Variants in COG6 observed in about 807,000 individuals in gnomAD.
The protein encoded by COG6 is conserved oligomeric Golgi complex subunit 6.
Under a neutral mutation model 88.8 loss-of-function variants are expected in COG6, and 74 were observed. That is an observed-to-expected ratio of 0.83 (90% CI 0.69 to 1.01). COG6 has a LOEUF of 1.01. Ranked by LOEUF, COG6 falls within the 50% of genes least tolerant of loss-of-function variation. The probability of loss-of-function intolerance (pLI) is 0.00; values close to 1 mark genes in which losing one functional copy is unlikely to be tolerated. For missense variants in COG6, 800 were observed against 797.9 expected, an observed-to-expected ratio of 1.00 and a Z score of -0.03; for synonymous variants, 286 against 278.7, an observed-to-expected ratio of 1.03 and a Z score of -0.26.
At chr13:39,700,458 A>C (rs1042490508) in intron 13 of COG6, among the ~76,000 whole-genome samples, 1 of 151,928 alleles carries the variant, frequency 6.6e-6, no homozygotes, top group African/African-American at 2.4e-5. Flanking sequence ...TGGAAAAGCA[A>C]CATGAATTTG....
intron 18 of COG6, among the ~76,000 whole-genome samples, chr13:39,779,456 C>G (rs1039029369): frequency 6.6e-6 from 1 of 152,158 alleles, no homozygotes; most frequent in East Asian, 1.9e-4. Flanking sequence ...GCTGCAGATC[C>G]AGGACAGGCA....
chr13:39,762,073 A>C (rs1881032603), intron 18 of COG6, among the ~76,000 whole-genome samples: 1 of 151,976 alleles, frequency 6.6e-6, no homozygotes, highest in Non-Finnish European at 1.5e-5. Flanking sequence ...TCCAATGTTT[A>C]TTGCAGCACT....
chr13:39,761,022 A>G (rs1380370658), intron 18 of COG6, among the ~76,000 whole-genome samples: 2 of 151,854 alleles, frequency 1.3e-5, no homozygotes. Flanking sequence ...ATTTGTCAGT[A>G]TAATAGAGAA....
intron 13 of COG6, among the ~76,000 whole-genome samples, chr13:39,712,618 C>T (rs1049089257): frequency 2.0e-5 from 3 of 152,156 alleles, no homozygotes; most frequent in Admixed American, 6.5e-5. Flanking sequence ...TTGAAGTAGA[C>T]GTTCTCACAT....
intron 12 of COG6, among the ~76,000 whole-genome samples, chr13:39,697,388 C>T (rs574285842): frequency 4.2e-4 from 63 of 151,794 alleles, no homozygotes; most frequent in African/African-American, 1.4e-3. Context: ...AGAAGCAGGA[C>T]GCATGCAAGA....
intron 3 of COG6, among the ~76,000 whole-genome samples, chr13:39,661,973 T>C (rs185673048): frequency 3.0e-4 from 45 of 151,980 alleles, no homozygotes; most frequent in African/African-American, 1.0e-3. Flanking sequence ...TCTTTAGTGA[T>C]AGTATCTCTT....
chr13:39,790,039 C>T (rs1881895420), exon 19 of COG6: 1 of 151,826 alleles, frequency 6.6e-6, no homozygotes, highest in African/African-American at 2.4e-5. Context: ...ATTTTTTAAC[C>T]AGGTAGGTTA....
chr13:39,705,298 A>G (rs1045064005), intron 13 of COG6, among the ~76,000 whole-genome samples: 5 of 152,172 alleles, frequency 3.3e-5, no homozygotes, highest in Non-Finnish European at 5.9e-5. Context: ...CTTGGGAGCT[A>G]ATTCTTTATC....
intron 13 of COG6, among the ~76,000 whole-genome samples, chr13:39,701,127 G>A (rs967281354): frequency 6.6e-6 from 1 of 151,826 alleles, no homozygotes; most frequent in Admixed American, 6.6e-5. Flanking sequence ...GAAAGACTCT[G>A]GGAATAGGCA....
intron 4 of COG6, among the ~76,000 whole-genome samples, chr13:39,665,514 C>T (rs114630667): frequency 0.016 from 2,475 of 151,760 alleles, 58 homozygotes; most frequent in African/African-American, 0.057. Context: ...TATGATATAT[C>T]CTCTCTGGTA....
intron 5 of COG6, among the ~76,000 whole-genome samples, chr13:39,678,940 T>A (rs1876139771): frequency 6.7e-6 from 1 of 150,058 alleles, no homozygotes; most frequent in Non-Finnish European, 1.5e-5. Context: ...TATTATTATT[T>A]TAAGTTTTAT....
At chr13:39,726,009 A>C (rs1301077959) in intron 17 of COG6, among the ~76,000 whole-genome samples, 1 of 151,982 alleles carries the variant, frequency 6.6e-6, no homozygotes, top group Non-Finnish European at 1.5e-5. Context: ...ATGCCATTAA[A>C]AATTCTTCAT....
Position 39,677,480 on chromosome 13 carries a change from G to C in COG6, c.441G>C (p.Glu147Asp). The C allele has an allele frequency of 2.5e-6, 4 of 1,608,072 alleles. No homozygotes were observed. The highest frequency in any genetic ancestry group is 2.6e-6 in the Non-Finnish European group (3 of 1,174,772). The change falls in exon 5 of 19, where the codon GAG (glutamate) becomes GAC (aspartate). Residue 147 changes from glutamate to aspartate, a missense_variant. By Grantham distance (45) the Glu-to-Asp change is conservative. Transcript: ENST00000455146. Reference protein sequence around the residue: ...TKLQSESQKLEIRAQVADAFL... With the variant: ...TKLQSESQKLDIRAQVADAFL... ...TTGAAAATTACAGCCAAAAATTAGA[G>C]ATAAGAGCTCAAGTTGCAGATGCCT...
chr13:39,756,404 G>A (rs940220914), downstream of COG6, among the ~76,000 whole-genome samples: 5 of 152,004 alleles, frequency 3.3e-5, no homozygotes, highest in South Asian at 2.1e-4. Context: ...GTGGAGCACC[G>A]TCAACAATAC....
intron 13 of COG6, among the ~76,000 whole-genome samples, chr13:39,713,784 A>G (rs1366806499): frequency 6.6e-6 from 1 of 152,128 alleles, no homozygotes; most frequent in African/African-American, 2.4e-5. Flanking sequence ...AAGTTTAACC[A>G]TTAGAAATGA....
rs922129932 is a variant in COG6, at chr13:39,751,048, C to A, written c.1929C>A (p.Asn643Lys). 1.9e-6 allele frequency: 3 copies of A among 1,613,570 alleles called. No individual in the cohort carries two copies. The highest frequency in any genetic ancestry group is 2.5e-6 in the Non-Finnish European group (3 of 1,179,804). ...NPINEYKDPE[N>K]ILHRSPQQVQ... The stretch of plus-strand genomic sequence containing the variant: ...TCAATGAATACAAAGATCCAGAGAA[C>A]ATTCTTCACCGATCGCCGCAGCAAG... Residue 643 changes from asparagine (N) to lysine (K), a missense_variant, in exon 19 of 19, where the codon AAC (asparagine) becomes AAA (lysine). Physicochemically the swap from Asn to Lys is moderately conservative, Grantham distance 94 (BLOSUM62 0). Coordinates refer to ENST00000455146, the MANE Select transcript of COG6 (RefSeq NM_020751.3).
intron 13 of COG6, among the ~76,000 whole-genome samples, chr13:39,705,816 C>T (rs1029521038): frequency 5.9e-5 from 9 of 152,094 alleles, no homozygotes; most frequent in Non-Finnish European, 8.8e-5. Flanking sequence ...TCAGGTCCTG[C>T]TCCAGACCTA....
chr13:39,755,630 T>G (rs1246526086), downstream of COG6, among the ~76,000 whole-genome samples: 2 of 152,204 alleles, frequency 1.3e-5, no homozygotes, highest in Non-Finnish European at 2.9e-5. Flanking sequence ...TAGGACTGTG[T>G]GCATGTTCAT....
intron 8 of COG6, among the ~76,000 whole-genome samples, chr13:39,683,454 C>T (rs531273155): frequency 6.6e-6 from 1 of 152,250 alleles, no homozygotes; most frequent in East Asian, 1.9e-4. Context: ...AGAGATAATG[C>T]ACCTTTGGGA....
Sources: gnomAD v4.1 joint callset for allele counts (sites outside exome capture counted in the v4.1 genomes callset) on GRCh38, gnomAD v4.1.1 for gene constraint, MANE v1.5 for transcripts, NCBI Gene and HGNC (gene_info 2026-07-23, HGNC 2026-07-21) for gene names.